The following CDK13 variants were observed in gnomAD, a reference collection of about 807,000 sequenced individuals.
The protein encoded by CDK13 is cyclin-dependent kinase 13.
Under a neutral mutation model 137.6 loss-of-function variants are expected in CDK13, and 40 were observed. The ratio of observed to expected loss-of-function variants is 0.29; its 90% confidence interval spans 0.23 to 0.38. The LOEUF is 0.38. Among genes scored for constraint, CDK13 ranks in the 10% least tolerant of loss-of-function variants. The probability of loss-of-function intolerance (pLI) is 1.00; values close to 1 mark genes in which losing one functional copy is unlikely to be tolerated. For synonymous variants in CDK13, 869 were observed against 760.1 expected (o/e 1.14, Z -2.36); for missense variants, 1,704 against 1,951.8 (o/e 0.87, Z 2.39).
At position 40,023,153 on chromosome 7, in the gene CDK13, C is replaced by T. The variant is rs181661276; in HGVS notation, c.2353+21122C>T. 4.4e-3 allele frequency among the ~76,000 whole-genome samples: 651 copies of T among 149,562 alleles called. 5 individuals carry two copies. The highest frequency in any genetic ancestry group is 0.015 in the African/African-American group (612 of 40,520). On this transcript the variant is annotated intron_variant, in intron 5 of 13. Coordinates refer to ENST00000181839, the MANE Select transcript of CDK13 (RefSeq NM_003718.5). ...TGTTGACCAGGCTGCAGTGCAGTGA[C>T]GCTATCTCGGCTTACCACAACCTCT...
chr7:40,093,980 C>A, intron 13 of CDK13, 150 bp from the exon 14 acceptor site: 1 of 793,480 alleles, frequency 1.3e-6, no homozygotes, highest in Non-Finnish European at 1.9e-6. Context: ...TACCATAGTA[C>A]TTGTAAACTT....
chr7:40,063,587 A>G (rs1198030195), intron 9 of CDK13, among the ~76,000 whole-genome samples: 3 of 152,178 alleles, frequency 2.0e-5, no homozygotes, highest in Non-Finnish European at 4.4e-5. Context: ...TTTGGAGCCT[A>G]TCATAGGACC....
At chr7:39,997,884 A>C (rs1359210998) in intron 3 of CDK13, 2 of 449,342 alleles carry the variant, frequency 4.5e-6, no homozygotes, top group Non-Finnish European at 7.9e-6. Context: ...CGTAATTTGT[A>C]ATGTATTAAT....
rs748996479 is a variant in CDK13, at chr7:39,987,973, G to T, written c.1586G>T (p.Gly529Val). 5.6e-6 allele frequency: 9 copies of T among 1,614,088 alleles called. No individual in the cohort carries two copies. Among genetic ancestry groups the T allele is most frequent in the Middle Eastern group, 1.7e-4 (1 of 6,060 alleles). Reference sequence around the variant, plus strand: ...GAACATGCACCTTCTCCCTCAAGTGGTGGAACTTTAAAAAATGACAAAGCA... The same window carrying T: ...GAACATGCACCTTCTCCCTCAAGTGTTGGAACTTTAAAAAATGACAAAGCA... ...KIEHAPSPSS[G>V]GTLKNDKAKT... The change falls in exon 2 of 14, where the codon GGT (glycine) becomes GTT (valine). Residue 529 changes from glycine to valine, a missense_variant. By Grantham distance (109) the Gly-to-Val change is moderately radical (BLOSUM62 -3). Coordinates refer to ENST00000181839, the MANE Select transcript of CDK13 (RefSeq NM_003718.5).
intron 5 of CDK13, among the ~76,000 whole-genome samples, chr7:40,037,782 A>C (rs1785516988): frequency 6.6e-6 from 1 of 152,184 alleles, no homozygotes; most frequent in South Asian, 2.1e-4. Flanking sequence ...TCTACCATAT[A>C]CATGTAATAA....
rs142374453 is a variant in CDK13 at position 40,012,045 on chromosome 7, G to A, written c.2353+10014G>A. Among the ~76,000 whole-genome samples the A allele has an allele frequency of 6.0e-3, 913 of 152,234 alleles. 11 individuals carry two copies. The highest frequency in any genetic ancestry group is 6.6e-3 in the Non-Finnish European group (448 of 68,008). ...ACATGAAAAGATGTTCAACAACTTA[G>A]TTATTAGGGAAGTGCAAATCAAAAC... On this transcript the variant is annotated intron_variant, in intron 5 of 13. Coordinates refer to ENST00000181839, the MANE Select transcript of CDK13 (RefSeq NM_003718.5).
At chr7:40,006,469 A>T (rs895360327) in intron 5 of CDK13, among the ~76,000 whole-genome samples, 3 of 152,188 alleles carry the variant, frequency 2.0e-5, no homozygotes, top group Non-Finnish European at 4.4e-5. Flanking sequence ...TACTTTCTGA[A>T]TGAGTAAAAT....
chr7:39,953,868 G>C (rs1489864477), intron 1 of CDK13, among the ~76,000 whole-genome samples: 1 of 152,218 alleles, frequency 6.6e-6, no homozygotes, highest in African/African-American at 2.4e-5. Flanking sequence ...CTGTTCACTA[G>C]ATTTGGGACT....
chr7:39,964,834 C>T (rs991219007), intron 1 of CDK13, among the ~76,000 whole-genome samples: 63 of 152,018 alleles, frequency 4.1e-4, no homozygotes, highest in African/African-American at 1.3e-3. Flanking sequence ...TCTTTGTTCT[C>T]GTTGGTTTCA....
At position 40,045,954 on chromosome 7, in the gene CDK13, T is replaced by G; in HGVS notation, c.2472T>G (p.Gly824=). ...CATTTATGAGACAGCTCATGGAGGG[T>G]CTGGATTATTGTCATAAGAAGAACT... ...IKSFMRQLME[G]LDYCHKKNFL... The change falls in exon 6 of 14, where the codon GGT becomes GGG. Residue 824 remains glycine, a synonymous_variant. Transcript: ENST00000181839. The G allele has an allele frequency of 4.3e-6, 7 of 1,612,532 alleles. No individual in the cohort carries two copies. Among genetic ancestry groups the G allele is most frequent in the Non-Finnish European group, 5.9e-6 (7 of 1,178,882 alleles).
At chr7:40,051,401 T>G (rs1436675341) in intron 7 of CDK13, among the ~76,000 whole-genome samples, 2 of 152,196 alleles carry the variant, frequency 1.3e-5, no homozygotes, top group African/African-American at 2.4e-5. Flanking sequence ...AAATCTACCT[T>G]TAACAGATTT....
chr7:40,029,186 G>T (rs2150503155), intron 5 of CDK13, among the ~76,000 whole-genome samples: 1 of 152,176 alleles, frequency 6.6e-6, no homozygotes, highest in East Asian at 1.9e-4. Context: ...CAGCACTTTG[G>T]GAGGCCGAGG....
chr7:39,960,295 G>C (rs1012759230), intron 1 of CDK13, among the ~76,000 whole-genome samples: 5 of 151,092 alleles, frequency 3.3e-5, no homozygotes, highest in Non-Finnish European at 7.4e-5. Context: ...ACCCAGGCTG[G>C]AGTGCAGTGG....
At chr7:40,057,206 G>C (rs1049795280) in intron 7 of CDK13, among the ~76,000 whole-genome samples, 6 of 152,142 alleles carry the variant, frequency 3.9e-5, no homozygotes, top group Non-Finnish European at 7.4e-5. Context: ...AGTGAGCCGA[G>C]ATCACGCCAC....
chr7:39,950,480 A>G lies in CDK13; in HGVS notation c.-162A>G. 8.0e-7 allele frequency: 1 copy of G among 1,257,646 alleles called. No individual in the cohort carries two copies. Among genetic ancestry groups the G allele is most frequent in the Non-Finnish European group, 1.0e-6 (1 of 1,002,386 alleles). The allele number at this position is 1,257,646 out of a possible 1,614,324, so 77.9% of individuals were successfully genotyped here. On this transcript the variant is annotated 5_prime_UTR_variant, in exon 1 of 14. Coordinates refer to ENST00000181839, the MANE Select transcript of CDK13 (RefSeq NM_003718.5). ...CGTACCCCACTGTGACCTGGAACCCAGGGACCCGAGTCCCGACCCGGATTA... is the reference window on the plus strand; with the variant it reads ...CGTACCCCACTGTGACCTGGAACCCGGGGACCCGAGTCCCGACCCGGATTA...
chr7:40,029,118 C>T (rs1251875148), intron 5 of CDK13, among the ~76,000 whole-genome samples: 2 of 151,494 alleles, frequency 1.3e-5, no homozygotes, highest in Non-Finnish European at 2.9e-5. Flanking sequence ...AACCATGTAG[C>T]CTAGAATTTT....
At chr7:40,063,714 G>A (rs528397516) in intron 9 of CDK13, among the ~76,000 whole-genome samples, 8 of 151,820 alleles carry the variant, frequency 5.3e-5, no homozygotes, top group Non-Finnish European at 1.2e-4. Flanking sequence ...CTGGAGTGCA[G>A]TGGCATGATC....
At chr7:40,022,071 G>C (rs1451128624) in intron 5 of CDK13, among the ~76,000 whole-genome samples, 1 of 152,166 alleles carries the variant, frequency 6.6e-6, no homozygotes, top group Non-Finnish European at 1.5e-5. Flanking sequence ...ACTATCACTA[G>C]TGGCCTTAAG....
intron 5 of CDK13, among the ~76,000 whole-genome samples, chr7:40,024,654 T>G (rs879635357): frequency 0.069 from 7,811 of 112,418 alleles, 361 homozygotes; most frequent in Non-Finnish European, 0.095. Flanking sequence ...TGTTTTTTTT[T>G]TTTTTTTTTT....
Sources: allele counts gnomAD v4.1 joint callset (sites outside exome capture counted in the v4.1 genomes callset), GRCh38; gene constraint gnomAD v4.1.1; transcripts MANE v1.5; gene names NCBI Gene and HGNC (gene_info 2026-07-23, HGNC 2026-07-21).